ERAP1: variants seen among roughly 807,000 people sequenced by gnomAD.
The protein encoded by ERAP1 is adipocyte-derived leucine aminopeptidase.
Under a neutral mutation model 103.7 loss-of-function variants are expected in ERAP1, and 86 were observed. The observed-to-expected ratio is 0.83, with a 90% confidence interval of 0.70 to 0.99. The LOEUF is 0.99. Among genes scored for constraint, ERAP1 ranks in the 50% least tolerant of loss-of-function variants. The pLI is 0.00. For missense variants in ERAP1, 1,009 were observed against 1,128.4 expected, an observed-to-expected ratio of 0.89 and a Z score of 1.52; for synonymous variants, 398 against 402.4, an observed-to-expected ratio of 0.99 and a Z score of 0.13.
chr5:96,820,592 T>C, the ERAP1 span, among the ~76,000 whole-genome samples: 1 of 152,140 alleles, frequency 6.6e-6, no homozygotes, highest in Non-Finnish European at 1.5e-5. Context: ...GTGAGTCCTA[T>C]AAAATTGCTA....
chr5:96,778,412 A>C (rs1304180617), intron 18 of ERAP1, among the ~76,000 whole-genome samples: 1 of 152,172 alleles, frequency 6.6e-6, no homozygotes, highest in African/African-American at 2.4e-5. Flanking sequence ...TTCTAGTGAA[A>C]AGTTGGGGAA....
At chr5:96,799,164 C>T (rs1251577683) in intron 3 of ERAP1, among the ~76,000 whole-genome samples, 1 of 152,078 alleles carries the variant, frequency 6.6e-6, no homozygotes, top group Non-Finnish European at 1.5e-5. Context: ...CCACACCTGG[C>T]CAAAAATTTC....
At chr5:96,778,643 G>C (rs1322282705) in intron 18 of ERAP1, among the ~76,000 whole-genome samples, 1 of 152,182 alleles carries the variant, frequency 6.6e-6, no homozygotes, top group African/African-American at 2.4e-5. Context: ...AAGAACAATA[G>C]GCAGGGTTTC....
At chr5:96,922,024 C>T in the ERAP1 span, among the ~76,000 whole-genome samples, 1 of 152,164 alleles carries the variant, frequency 6.6e-6, no homozygotes, top group South Asian at 2.1e-4. Context: ...CTAGGCCGGG[C>T]GCGGTGGCTC....
chr5:96,923,306 A>AT, the ERAP1 span, among the ~76,000 whole-genome samples: 1 of 152,086 alleles, frequency 6.6e-6, no homozygotes, highest in African/African-American at 2.4e-5. Flanking sequence ...GAAACATACT[A>AT]TTTGTTGACC....
the ERAP1 span, chr5:96,879,971 A>G: frequency 1.2e-6 from 2 of 1,614,178 alleles, no homozygotes; most frequent in Admixed American, 3.3e-5. Flanking sequence ...TGCATCTGAG[A>G]AGATCGAAGT....
chr5:96,903,468 G>C, the ERAP1 span: 1 of 1,613,964 alleles, frequency 6.2e-7, no homozygotes, highest in Non-Finnish European at 8.5e-7. Context: ...GTCATGGATG[G>C]GACCAACTCA....
chr5:96,850,473 C>A, the ERAP1 span, among the ~76,000 whole-genome samples: 1 of 152,004 alleles, frequency 6.6e-6, no homozygotes, highest in Non-Finnish European at 1.5e-5. Context: ...AAAAGGCCAA[C>A]AGATATATGA....
chr5:96,855,821 A>T, the ERAP1 span, among the ~76,000 whole-genome samples: 1 of 152,284 alleles, frequency 6.6e-6, no homozygotes, highest in East Asian at 1.9e-4. Context: ...GAATAGAAAG[A>T]TGTAGGAGAA....
the ERAP1 span, chr5:96,913,345 G>A: frequency 6.2e-7 from 1 of 1,614,010 alleles, no homozygotes; most frequent in Admixed American, 1.7e-5. Flanking sequence ...GGAAGGAAAG[G>A]TTATCAAGAC....
intron 2 of ERAP1, 44 bp downstream of exon 2, chr5:96,803,359 T>C: frequency 1.3e-6 from 2 of 1,545,716 alleles, no homozygotes; most frequent in Non-Finnish European, 1.8e-6. Flanking sequence ...GAATTTAGCG[T>C]GGGCAGCACT....
In ERAP1 at chr5:96,783,975, C is replaced by T; in HGVS notation, c.2049G>A (p.Met683Ile). Reference sequence around the variant, plus strand: ...TATCTCTTTTCTCCATTAACTTATACATAGGAATCAGCTCATTCAAACCTT... The same window carrying T: ...TATCTCTTTTCTCCATTAACTTATATATAGGAATCAGCTCATTCAAACCTT... ...VFQGLNELIPMYKLMEKRDMN... is the reference protein window; with the variant it reads ...VFQGLNELIPIYKLMEKRDMN... Residue 683 changes from methionine to isoleucine, a missense_variant, in exon 14 of 19, where the codon ATG becomes ATA. Met to Ile is a conservative substitution (Grantham distance 10). Transcript: ENST00000443439. The T allele has an allele frequency of 6.8e-6, 11 of 1,613,924 alleles. No homozygotes were observed. The highest frequency in any genetic ancestry group is 1.1e-5 in the South Asian group (1 of 91,080).
At chr5:96,912,608 T>C in the ERAP1 span, 1 of 1,566,874 alleles carries the variant, frequency 6.4e-7, no homozygotes, top group African/African-American at 1.4e-5. Flanking sequence ...CATAAAACTT[T>C]TTCTTCATTT....
At chr5:96,899,501 A>G in the ERAP1 span, among the ~76,000 whole-genome samples, 1 of 152,216 alleles carries the variant, frequency 6.6e-6, no homozygotes, top group Admixed American at 6.5e-5. Flanking sequence ...GGCATTTGAG[A>G]GCCTTAGCAC....
the ERAP1 span, among the ~76,000 whole-genome samples, chr5:96,821,548 A>G: frequency 2.0e-5 from 3 of 152,240 alleles, no homozygotes; most frequent in African/African-American, 7.2e-5. Flanking sequence ...GAGCAGGGGC[A>G]GAGTATCCTT....
the ERAP1 span, among the ~76,000 whole-genome samples, chr5:96,853,874 G>A: frequency 6.7e-6 from 1 of 150,372 alleles, no homozygotes; most frequent in East Asian, 1.9e-4. Flanking sequence ...GAAGCATGAG[G>A]ACTTTTCTGC....
intron 13 of ERAP1, among the ~76,000 whole-genome samples, chr5:96,784,576 G>A (rs901243071): frequency 1.4e-5 from 2 of 146,944 alleles, no homozygotes; most frequent in Non-Finnish European, 3.0e-5. Flanking sequence ...CACTAGGGAG[G>A]AAGTTTCTCA....
chr5:96,879,642 G>A, the ERAP1 span: 5 of 1,543,998 alleles, frequency 3.2e-6, no homozygotes, highest in East Asian at 2.3e-5. Context: ...GAAGAACTAC[G>A]AGATTAGCCT....
At chr5:96,932,928 C>A in the ERAP1 span, among the ~76,000 whole-genome samples, 2 of 152,068 alleles carry the variant, frequency 1.3e-5, no homozygotes, top group Admixed American at 1.3e-4. Flanking sequence ...CACATTATCT[C>A]CTTTGATAAT....
Sources: allele counts gnomAD v4.1 joint callset (sites outside exome capture counted in the v4.1 genomes callset), GRCh38; gene constraint gnomAD v4.1.1; transcripts MANE v1.5; gene names NCBI Gene and HGNC (gene_info 2026-07-23, HGNC 2026-07-21).